Variants in ROCK2 observed in about 807,000 individuals in gnomAD.
The protein encoded by ROCK2 is rho-associated protein kinase 2.
Under a neutral mutation model 195.1 loss-of-function variants are expected in ROCK2, and 61 were observed. That is an observed-to-expected ratio of 0.31 (90% CI 0.25 to 0.39). The LOEUF is 0.39. Ranked by LOEUF, ROCK2 falls within the 10% of genes least tolerant of loss-of-function variation. The pLI, the probability that ROCK2 is intolerant of heterozygous loss-of-function variation, is 1.00. For synonymous variants in ROCK2, 504 were observed against 545.5 expected, an observed-to-expected ratio of 0.92 and a Z score of 1.06; for missense variants, 1,109 against 1,637.4, an observed-to-expected ratio of 0.68 and a Z score of 5.57.
chr2:11,309,002 C>A (rs1450719331), intron 1 of ROCK2: 1 of 1,596,346 alleles, frequency 6.3e-7, no homozygotes, highest in Non-Finnish European at 8.5e-7. Context: ...ACCATCATAG[C>A]TCTGTGTAGC....
At chr2:11,214,205 C>G in intron 17 of ROCK2, 152 bp downstream of exon 17, 1 of 573,098 alleles carries the variant, frequency 1.7e-6, no homozygotes, top group South Asian at 2.1e-5. Context: ...CCTGCAGATA[C>G]ATCTCTTATC....
At chr2:11,288,987 T>C (rs1241506066) in intron 1 of ROCK2, among the ~76,000 whole-genome samples, 1 of 152,222 alleles carries the variant, frequency 6.6e-6, no homozygotes, top group South Asian at 2.1e-4. Context: ...CACTCAGTTA[T>C]AGTTCATATT....
intron 1 of ROCK2, 42 bp from the exon 2 acceptor site, chr2:11,287,778 TC>T: frequency 1.2e-6 from 1 of 808,574 alleles, no homozygotes; most frequent in African/African-American, 1.8e-5. Flanking sequence ...TTTTACAATT[TC>T]CAAGCATTCA....
intron 1 of ROCK2, among the ~76,000 whole-genome samples, chr2:11,303,066 C>G (rs1667755557): frequency 6.6e-6 from 1 of 152,114 alleles, no homozygotes; most frequent in Non-Finnish European, 1.5e-5. Context: ...GAGTGCTAAG[C>G]ATTAAAATAA....
At chr2:11,323,802 T>C (rs547207232) in intron 1 of ROCK2, among the ~76,000 whole-genome samples, 1 of 152,246 alleles carries the variant, frequency 6.6e-6, no homozygotes, top group South Asian at 2.1e-4. Flanking sequence ...CTCACCAGAA[T>C]GATACGTTTG....
chr2:11,238,619 G>A (rs957207072), intron 4 of ROCK2, among the ~76,000 whole-genome samples: 4 of 152,144 alleles, frequency 2.6e-5, no homozygotes, highest in African/African-American at 9.7e-5. Flanking sequence ...AGGCCTAAGT[G>A]GGAGGATGAC....
rs1415828358 is a variant in ROCK2, at chr2:11,221,356, C to T, written c.1101G>A (p.Thr367=). ...TGAGTTCAGGTACTACAGGAGCTGCCGCTATTAAAAGAAAAGAAATAAATT... is the reference window on the plus strand; with the variant it reads ...TGAGTTCAGGTACTACAGGAGCTGCTGCTATTAAAAGAAAAGAAATAAATT... ...DQWHWDNIRE[T]AAPVVPELSS... is the part of the protein sequence containing the mutation. The change falls in exon 9 of 33, where the codon ACG becomes ACA. Residue 367 remains threonine (T), a splice_region_variant and synonymous_variant. Transcript: ENST00000315872. The T allele has an allele frequency of 2.0e-6, 3 of 1,525,852 alleles. No individual in the cohort carries two copies. Among genetic ancestry groups the T allele is most frequent in the Admixed American group, 2.4e-5 (1 of 40,982 alleles). 94.5% of individuals were successfully genotyped at this position (1,525,852 alleles called of 1,614,324 possible).
intron 1 of ROCK2, among the ~76,000 whole-genome samples, chr2:11,314,317 TTGTC>T (rs72549050): frequency 0.4 from 59,919 of 151,336 alleles, 13,344 homozygotes; most frequent in Admixed American, 0.52. Flanking sequence ...CATACGTCCT[TTGTC>T]TGTATGTTCT....
intron 1 of ROCK2, among the ~76,000 whole-genome samples, chr2:11,312,879 A>C (rs1204300177): frequency 6.6e-6 from 1 of 152,136 alleles, no homozygotes; most frequent in Non-Finnish European, 1.5e-5. Context: ...TGAAAAGCCT[A>C]CGCACTGGAC....
intron 18 of ROCK2, among the ~76,000 whole-genome samples, chr2:11,209,188 GA>G (rs1457546857): frequency 6.6e-6 from 1 of 152,134 alleles, no homozygotes; most frequent in Non-Finnish European, 1.5e-5. Context: ...TGCAGGTGTT[GA>G]AAAATATGTT....
chr2:11,266,314 C>T (rs1360676285), intron 3 of ROCK2, among the ~76,000 whole-genome samples: 3 of 152,136 alleles, frequency 2.0e-5, no homozygotes, highest in Non-Finnish European at 4.4e-5. Flanking sequence ...GTTGGAACTA[C>T]GGCATTAAGA....
intron 3 of ROCK2, among the ~76,000 whole-genome samples, chr2:11,279,089 A>C (rs10206334): frequency 0.81 from 122,739 of 151,894 alleles, 51,191 homozygotes; most frequent in East Asian, 0.99. Flanking sequence ...GTTAAAACCA[A>C]AAAAGACAGA....
chr2:11,345,024 G>A (rs1471161976), upstream of ROCK2, among the ~76,000 whole-genome samples: 1 of 150,456 alleles, frequency 6.6e-6, no homozygotes, highest in Non-Finnish European at 1.5e-5. Flanking sequence ...GGGGGAGCCC[G>A]GCCGCGCCCC....
At chr2:11,338,351 T>C (rs1419574840) in intron 1 of ROCK2, among the ~76,000 whole-genome samples, 3 of 152,096 alleles carry the variant, frequency 2.0e-5, no homozygotes, top group African/African-American at 7.2e-5. Flanking sequence ...TGTCTCCATA[T>C]TTTAAAAAAA....
At chr2:11,324,762 T>C (rs1006678835) in intron 1 of ROCK2, among the ~76,000 whole-genome samples, 2 of 152,218 alleles carry the variant, frequency 1.3e-5, no homozygotes, top group Non-Finnish European at 2.9e-5. Flanking sequence ...TGGCACATAG[T>C]AAGAGATGTA....
At chr2:11,241,984 G>A (rs1002654450) in intron 4 of ROCK2, among the ~76,000 whole-genome samples, 1 of 152,136 alleles carries the variant, frequency 6.6e-6, no homozygotes, top group African/African-American at 2.4e-5. Context: ...ATAGGCCCAA[G>A]GGAGCTTATT....
intron 3 of ROCK2, among the ~76,000 whole-genome samples, chr2:11,252,775 G>A (rs950879414): frequency 6.6e-5 from 10 of 151,996 alleles, no homozygotes; most frequent in African/African-American, 2.2e-4. Context: ...CACAGGGAGT[G>A]GAACATCACA....
chr2:11,252,135 G>A (rs1027633464), intron 3 of ROCK2, among the ~76,000 whole-genome samples: 2 of 152,188 alleles, frequency 1.3e-5, no homozygotes, highest in African/African-American at 4.8e-5. Context: ...CAGAGGCCAG[G>A]CATGGTGGCT....
At chr2:11,252,617 A>G (rs1665873928) in intron 3 of ROCK2, among the ~76,000 whole-genome samples, 1 of 152,200 alleles carries the variant, frequency 6.6e-6, no homozygotes, top group Non-Finnish European at 1.5e-5. Flanking sequence ...AATACTATGC[A>G]GCCATAAAAA....
Sources: gnomAD v4.1 joint callset for allele counts (sites outside exome capture counted in the v4.1 genomes callset) on GRCh38, gnomAD v4.1.1 for gene constraint, MANE v1.5 for transcripts, NCBI Gene and HGNC (gene_info 2026-07-23, HGNC 2026-07-21) for gene names.